Variants in FCRL6 observed in about 807,000 individuals in gnomAD.
FCRL6 encodes Fc receptor-like protein 6.
A neutral mutation model predicts 49.1 loss-of-function variants in FCRL6; 50 were observed. That is an observed-to-expected ratio of 1.02 (90% CI 0.81 to 1.29). FCRL6 has a LOEUF of 1.29. Ranked by LOEUF, FCRL6 falls within the 50% of genes most tolerant of loss-of-function variation. The probability of loss-of-function intolerance (pLI) is 0.00; values close to 1 mark genes in which losing one functional copy is unlikely to be tolerated. For missense variants in FCRL6, 571 were observed against 518.5 expected, an observed-to-expected ratio of 1.10 and a Z score of -0.98; for synonymous variants, 213 against 199.6, an observed-to-expected ratio of 1.07 and a Z score of -0.57.
intron 7 of FCRL6, 107 bp from the exon 8 acceptor site, chr1:159,814,114 C>A (rs1663244903): frequency 2.7e-5 from 27 of 1,007,704 alleles, no homozygotes; most frequent in Admixed American, 9.8e-5. Context: ...TGCCACTTAT[C>A]ACCATAACAG....
chr1:159,804,188 G>C (rs1331873017), intron 1 of FCRL6, among the ~76,000 whole-genome samples: 1 of 152,216 alleles, frequency 6.6e-6, no homozygotes, highest in Non-Finnish European at 1.5e-5. Flanking sequence ...GACTGCTGCA[G>C]CTTGGCACTG....
chr1:159,815,369 A>C, intron 8 of FCRL6, 59 bp from the exon 9 acceptor site: 87 of 1,553,348 alleles, frequency 5.6e-5, no homozygotes, highest in Non-Finnish European at 7.2e-5. Context: ...AGGGGTGGGA[A>C]GGAGATGTAC....
chr1:159,810,054 T>C (rs2101751048), intron 5 of FCRL6, 40 bp from the exon 6 acceptor site: 1 of 1,589,844 alleles, frequency 6.3e-7, no homozygotes, highest in Non-Finnish European at 8.6e-7. Flanking sequence ...CCGAATTTTA[T>C]CTTCAGTGCT....
intron 7 of FCRL6, 101 bp downstream of exon 7, chr1:159,813,655 T>G (rs899777032): frequency 4.1e-5 from 42 of 1,030,824 alleles, no homozygotes; most frequent in Non-Finnish European, 5.7e-5. Flanking sequence ...ATCTCAGGAA[T>G]TGGAGTGATC....
rs1406377839 is a variant in FCRL6, at chr1:159,808,273, G to A, written c.148G>A (p.Val50Met). 6.2e-7 allele frequency: 1 copy of A among 1,613,916 alleles called. No individual in the cohort carries two copies. The highest frequency in any genetic ancestry group is 1.1e-5 in the South Asian group (1 of 91,084). ...ATGGAAGAATACACCACTGTCTCAGGTGAAGTTCTACAGAGATGGAAAATT... is the reference window on the plus strand; with the variant it reads ...ATGGAAGAATACACCACTGTCTCAGATGAAGTTCTACAGAGATGGAAAATT... The part of the protein sequence containing the change: ...QGWKNTPLSQ[V>M]KFYRDGKFLH... The change falls in exon 3 of 10, where the codon GTG becomes ATG. Residue 50 changes from valine (V) to methionine (M), a missense_variant. Physicochemically the swap from Val to Met is conservative, Grantham distance 21. Transcript: ENST00000368106.
intron 6 of FCRL6, among the ~76,000 whole-genome samples, chr1:159,810,988 C>G (rs1307597968): frequency 6.6e-6 from 1 of 152,228 alleles, no homozygotes; most frequent in Non-Finnish European, 1.5e-5. Flanking sequence ...GGTTCCCAGG[C>G]TGCCCTTTCT....
chr1:159,814,593 A>T (rs1663278806), intron 8 of FCRL6, among the ~76,000 whole-genome samples: 1 of 152,106 alleles, frequency 6.6e-6, no homozygotes, highest in African/African-American at 2.4e-5. Flanking sequence ...TCTCCTCCAC[A>T]CTGTTACCAT....
chr1:159,808,523 G>C (rs1662862337), intron 3 of FCRL6, 79 bp downstream of exon 3: 1 of 1,551,708 alleles, frequency 6.4e-7, no homozygotes. Flanking sequence ...TAGCTCTCTG[G>C]GCTGGACCCC....
chr1:159,815,909 G>A lies in FCRL6; in HGVS notation c.*248G>A, dbSNP rs1196049959. 1 of 466,716 alleles carries A rather than the reference G, an allele frequency of 2.1e-6. No individual in the cohort carries two copies. The highest frequency in any genetic ancestry group is 2.4e-5 in the South Asian group (1 of 42,296). 28.9% of individuals were successfully genotyped at this position (466,716 alleles called of 1,614,324 possible). ...ACACTTAGGTTCAATCAGTGACACTGGACACATAAGCCACAGATGTCTTCT... is the reference window on the plus strand; with the variant it reads ...ACACTTAGGTTCAATCAGTGACACTAGACACATAAGCCACAGATGTCTTCT... On this transcript the variant is annotated 3_prime_UTR_variant, in exon 10 of 10. Transcript: ENST00000368106.
chr1:159,811,786 G>C (rs151170238), intron 6 of FCRL6, among the ~76,000 whole-genome samples: 1 of 152,276 alleles, frequency 6.6e-6, no homozygotes, highest in East Asian at 1.9e-4. Context: ...GGAGGCAGCC[G>C]GAGTAGGGAA....
rs1663373866 is a variant in FCRL6, at chr1:159,815,831, T to C, written c.*170T>C. 1.4e-6 allele frequency: 1 copy of C among 721,792 alleles called. No homozygotes were observed. The highest frequency in any genetic ancestry group is 2.2e-6 in the Non-Finnish European group (1 of 450,372). 44.7% of individuals were successfully genotyped at this position (721,792 alleles called of 1,614,324 possible). ...AGCACCTGAACCCTGGGTTCTTTTC[T>C]TAGCAGAAGACCAACCAATGGAATG... is the stretch of plus-strand genomic sequence containing the variant. On this transcript the variant is annotated 3_prime_UTR_variant, in exon 10 of 10. Coordinates refer to ENST00000368106, the MANE Select transcript of FCRL6 (RefSeq NM_001004310.3).
At position 159,814,432 on chromosome 1, in the gene FCRL6, T is replaced by A; in HGVS notation, c.1147+140T>A. The A allele has an allele frequency of 6.1e-6, 4 of 652,518 alleles. No individual in the cohort carries two copies. In the South Asian group the frequency reaches 7.4e-5, roughly 12 times the overall value. 40.4% of individuals were successfully genotyped at this position (652,518 alleles called of 1,614,324 possible). ...TATCACCAAGACCATCATATTTATC[T>A]CCATTATTGTCACCACCATCTCCTC... is the stretch of plus-strand genomic sequence containing the variant. On this transcript the variant is annotated intron_variant, in intron 8 of 9. Transcript: ENST00000368106.
intron 6 of FCRL6, among the ~76,000 whole-genome samples, chr1:159,811,302 C>T (rs1329269027): frequency 1.3e-5 from 2 of 152,198 alleles, no homozygotes; most frequent in African/African-American, 4.8e-5. Context: ...TCAAATCCAC[C>T]TACAGAGGTT....
rs562772140 is a variant in FCRL6 at position 159,815,403 on chromosome 1, A to T, written c.1148-25A>T. ...ACTTGCTGTGGAGCACAGAGACCTG[A>T]CCTGAGCTCATTCTTTCCCCACAGC... On this transcript the variant is annotated intron_variant, in intron 8 of 9. Coordinates refer to ENST00000368106, the MANE Select transcript of FCRL6 (RefSeq NM_001004310.3). The T allele has an allele frequency of 6.8e-6, 11 of 1,612,478 alleles. No individual in the cohort carries two copies. In the East Asian group the frequency reaches 2.2e-4, roughly 33 times the overall value.
At chr1:159,808,074 A>C (rs2101743282) in intron 2 of FCRL6, 104 bp from the exon 3 acceptor site, 2 of 1,323,766 alleles carry the variant, frequency 1.5e-6, no homozygotes. Flanking sequence ...GTGCCATCCA[A>C]GGGCCTCCAT....
chr1:159,806,651 AT>A (rs761899314), intron 2 of FCRL6, 35 bp downstream of exon 2: 1 of 1,611,214 alleles, frequency 6.2e-7, no homozygotes, highest in Admixed American at 1.7e-5. Flanking sequence ...AATTCAAAGT[AT>A]GTCTATGGGC....
chr1:159,807,529 AG>A (rs1662772372), intron 2 of FCRL6, among the ~76,000 whole-genome samples: 1 of 152,226 alleles, frequency 6.6e-6, no homozygotes, highest in African/African-American at 2.4e-5. Context: ...ATAGAGACAG[AG>A]AGAACAGATC....
intron 6 of FCRL6, 81 bp downstream of exon 6, chr1:159,810,297 C>G: frequency 6.7e-7 from 1 of 1,482,282 alleles, no homozygotes; most frequent in East Asian, 2.4e-5. Context: ...CAGAGTCTGA[C>G]AGGACCAGCC....
intron 6 of FCRL6, among the ~76,000 whole-genome samples, chr1:159,810,667 G>A (rs539078377): frequency 1.3e-5 from 2 of 152,210 alleles, no homozygotes; most frequent in South Asian, 4.2e-4. Flanking sequence ...ACTACAGTGT[G>A]TATGCATAGG....
Sources: gnomAD v4.1 joint callset for allele counts (sites outside exome capture counted in the v4.1 genomes callset) on GRCh38, gnomAD v4.1.1 for gene constraint, MANE v1.5 for transcripts, NCBI Gene and HGNC (gene_info 2026-07-23, HGNC 2026-07-21) for gene names.